Variants in COL14A1 observed in about 807,000 individuals in gnomAD.
COL14A1 encodes the protein collagen alpha-1(XIV) chain.
COL14A1 carries 136 observed loss-of-function variants against 230.3 expected under a neutral mutation model. The ratio of observed to expected loss-of-function variants is 0.59; its 90% CI spans 0.51 to 0.68. The LOEUF (loss-of-function observed/expected upper bound fraction) is 0.68, where lower values mean the gene tolerates loss of function less well. Among genes scored for constraint, COL14A1 ranks in the 30% least tolerant of loss-of-function variants. The probability of loss-of-function intolerance (pLI) is 0.00; values close to 1 mark genes in which losing one functional copy is unlikely to be tolerated. For missense variants in COL14A1, 1,976 were observed against 2,215.8 expected (o/e 0.89, Z 2.17); for synonymous variants, 792 against 784.1 (o/e 1.01, Z -0.17).
At position 120,297,605 on chromosome 8, in the gene COL14A1, C is replaced by G. The variant is rs757801875; in HGVS notation, c.4314+17C>G. 3.0e-6 allele frequency: 4 copies of G among 1,345,182 alleles called. No homozygotes were observed. In the South Asian group the frequency reaches 9.3e-5, roughly 31 times the overall value. The allele number at this position is 1,345,182 out of a possible 1,614,324, so 83.3% of individuals were successfully genotyped here. A position where few individuals can be genotyped will look rare whatever the true frequency, so the allele number is the denominator to read the frequency against. On this transcript the variant is annotated intron_variant, in intron 35 of 47. Transcript: ENST00000297848. ...CCAGGCCTGGTAAGAATTCTTCCTTCATTTCTATTGATTTTTTAAATTGTA... is the reference window on the plus strand; with the variant it reads ...CCAGGCCTGGTAAGAATTCTTCCTTGATTTCTATTGATTTTTTAAATTGTA...
At chr8:120,361,641 T>C (rs1823220699) in intron 45 of COL14A1, among the ~76,000 whole-genome samples, 1 of 152,180 alleles carries the variant, frequency 6.6e-6, no homozygotes, top group Non-Finnish European at 1.5e-5. Context: ...AAAGCCTTGA[T>C]CTATAATCTC....
chr8:120,300,131 CAAT>C (rs1267207942), intron 35 of COL14A1, among the ~76,000 whole-genome samples: 1 of 151,986 alleles, frequency 6.6e-6, no homozygotes, highest in African/African-American at 2.4e-5. Context: ...CACATGACAA[CAAT>C]ATTCCCTAAG....
At chr8:120,177,582 G>A (rs1816320721) in intron 5 of COL14A1, among the ~76,000 whole-genome samples, 1 of 146,884 alleles carries the variant, frequency 6.8e-6, no homozygotes, top group South Asian at 2.3e-4. Flanking sequence ...CTGGGAGGTG[G>A]AAGTTGCAGT....
At chr8:120,254,952 A>T (rs1819095240) in intron 22 of COL14A1, among the ~76,000 whole-genome samples, 1 of 152,138 alleles carries the variant, frequency 6.6e-6, no homozygotes. Flanking sequence ...AGATCATGCC[A>T]CTGCACTCCA....
At chr8:120,146,519 T>C (rs1389307291) in intron 1 of COL14A1, among the ~76,000 whole-genome samples, 2 of 152,136 alleles carry the variant, frequency 1.3e-5, no homozygotes, top group Non-Finnish European at 1.5e-5. Flanking sequence ...AACTCATTAC[T>C]TTATTGTTTT....
chr8:120,161,838 T>TG (rs2130540810), intron 3 of COL14A1, among the ~76,000 whole-genome samples: 1 of 152,304 alleles, frequency 6.6e-6, no homozygotes, highest in African/African-American at 2.4e-5. Context: ...TAATTTTGTG[T>TG]GTTTTTAGTA....
intron 29 of COL14A1, 77 bp downstream of exon 29, chr8:120,280,176 G>A (rs776919193): frequency 6.3e-5 from 93 of 1,483,566 alleles, no homozygotes; most frequent in Non-Finnish European, 8.1e-5. Context: ...TAGTGAGTCC[G>A]ATCTAGATCT....
chr8:120,332,072 C>A, intron 40 of COL14A1, 69 bp from the exon 41 acceptor site: 10 of 1,362,472 alleles, frequency 7.3e-6, no homozygotes, highest in Non-Finnish European at 4.2e-6. Context: ...TGAAAAGGAA[C>A]TAAATGAGCC....
chr8:120,270,911 C>T (rs958534064), intron 26 of COL14A1, among the ~76,000 whole-genome samples: 1 of 151,692 alleles, frequency 6.6e-6, no homozygotes, highest in Admixed American at 6.6e-5. Flanking sequence ...ACTGTAAAGA[C>T]ACATGCATGC....
At chr8:120,160,022 G>A (rs10087151) in intron 3 of COL14A1, among the ~76,000 whole-genome samples, 125,735 of 152,132 alleles carry the variant, frequency 0.83, 52,466 homozygotes, top group African/African-American at 0.95. Context: ...AATATTATCC[G>A]TAGACTCATT....
At chr8:120,126,605 G>A (rs544753071) in intron 1 of COL14A1, among the ~76,000 whole-genome samples, 9 of 152,294 alleles carry the variant, frequency 5.9e-5, no homozygotes, top group African/African-American at 2.2e-4. Context: ...CCTGTTAAAG[G>A]CCTTGGGGCC....
At chr8:120,192,405 C>A (rs1018665935) in intron 5 of COL14A1, among the ~76,000 whole-genome samples, 1 of 152,172 alleles carries the variant, frequency 6.6e-6, no homozygotes, top group Non-Finnish European at 1.5e-5. Flanking sequence ...GAGTTTCTGC[C>A]GAGAGATCCA....
At chr8:120,367,277 C>A (rs1189248646) in intron 46 of COL14A1, 29 bp downstream of exon 46, 5 of 1,545,754 alleles carry the variant, frequency 3.2e-6, no homozygotes, top group Non-Finnish European at 4.4e-6. Flanking sequence ...CAAGAGACTG[C>A]AAATGTATAT....
At chr8:120,148,399 G>T (rs979905746) in intron 2 of COL14A1, among the ~76,000 whole-genome samples, 2 of 152,148 alleles carry the variant, frequency 1.3e-5, no homozygotes, top group Non-Finnish European at 2.9e-5. Flanking sequence ...CCGAAGTGCT[G>T]GGATTACAGG....
At chr8:120,359,251 G>A (rs1270972264) in intron 45 of COL14A1, among the ~76,000 whole-genome samples, 2 of 136,262 alleles carry the variant, frequency 1.5e-5, no homozygotes, top group East Asian at 2.4e-4. Context: ...GACAGCCCCC[G>A]GTGTGTGATG....
At chr8:120,320,868 G>T (rs556741270) in intron 40 of COL14A1, among the ~76,000 whole-genome samples, 1 of 152,336 alleles carries the variant, frequency 6.6e-6, no homozygotes, top group South Asian at 2.1e-4. Flanking sequence ...ATGTGCAGGT[G>T]CTTTGCAATT....
chr8:120,334,850 C>A (rs931708259), intron 42 of COL14A1, among the ~76,000 whole-genome samples: 7 of 152,158 alleles, frequency 4.6e-5, no homozygotes, highest in African/African-American at 1.4e-4. Context: ...GCCACATGCA[C>A]AGAAACTGCA....
chr8:120,139,431 G>C (rs995565429), intron 1 of COL14A1, among the ~76,000 whole-genome samples: 2 of 152,232 alleles, frequency 1.3e-5, no homozygotes, highest in East Asian at 3.9e-4. Context: ...GGCTAGAAAT[G>C]TATTTTGAAA....
At chr8:120,220,453 T>C (rs1817894763) in intron 14 of COL14A1, among the ~76,000 whole-genome samples, 1 of 152,032 alleles carries the variant, frequency 6.6e-6, no homozygotes, top group South Asian at 2.1e-4. Context: ...TTTGTATTTT[T>C]AGTAGAGATA....
Sources: gnomAD v4.1 joint callset for allele counts (sites outside exome capture counted in the v4.1 genomes callset) on GRCh38, gnomAD v4.1.1 for gene constraint, MANE v1.5 for transcripts, NCBI Gene and HGNC (gene_info 2026-07-23, HGNC 2026-07-21) for gene names.